SETD1A: variants seen among roughly 807,000 people sequenced by gnomAD.
The protein encoded by SETD1A is SET domain containing 1A, histone lysine methyltransferase.
In SETD1A, 29 loss-of-function variants were observed where a neutral mutation model predicts 149.9. That is an observed-to-expected ratio of 0.19 (90% CI 0.14 to 0.26). The LOEUF (loss-of-function observed/expected upper bound fraction) is 0.26. Ranked by LOEUF, SETD1A falls within the 10% of genes least tolerant of loss-of-function variation. SETD1A has a pLI of 1.00. For missense variants in SETD1A, 2,109 were observed against 2,353.1 expected, an observed-to-expected ratio of 0.90 and a Z score of 2.15; for synonymous variants, 1,141 against 968.5, an observed-to-expected ratio of 1.18 and a Z score of -3.31.
At position 30,984,477 on chromosome 16, in the gene SETD1A, C is replaced by G. The variant is rs901999699; in HGVS notation, c.*454C>G. 1.2e-5 allele frequency: 2 copies of G among 166,494 alleles called. No homozygotes were observed. The highest frequency in any genetic ancestry group is 4.8e-5 in the African/African-American group (2 of 41,666). 10.3% of individuals were successfully genotyped at this position (166,494 alleles called of 1,614,324 possible). On this transcript the variant is annotated 3_prime_UTR_variant, in exon 19 of 19. Transcript: ENST00000262519. ...ACCCCCAGTCCTGGGGACTCCGTGC[C>G]TGGAACCCTGCCTCATCTGTTCCTG...
intron 12 of SETD1A, 46 bp from the exon 13 acceptor site, chr16:30,971,332 A>C: frequency 1.3e-6 from 2 of 1,533,838 alleles, no homozygotes; most frequent in Non-Finnish European, 1.8e-6. Flanking sequence ...CGGCTGGCCA[A>C]GTGAGGTCTG....
chr16:30,974,875 G>A (rs2056265629), intron 13 of SETD1A, among the ~76,000 whole-genome samples: 1 of 152,100 alleles, frequency 6.6e-6, no homozygotes, highest in Non-Finnish European at 1.5e-5. Flanking sequence ...GGGTGCGGTG[G>A]CTCACGCCTG....
At position 30,979,998 on chromosome 16, in the gene SETD1A, G is replaced by GCCCCCC; in HGVS notation, c.4217_4218insCCCCCC (p.Pro1411_Pro1412dup). On this transcript the variant is annotated inframe_insertion, in exon 14 of 19. Transcript: ENST00000262519. ...CCCACGCCCGGCGCCGCCGCCCTCC[G>GCCCCCC]CCCCCACCCCCGCCGCCACCGCCCC... The GCCCCCC allele has an allele frequency of 4.2e-6, 2 of 481,350 alleles. No individual in the cohort carries two copies. The highest frequency in any genetic ancestry group is 6.4e-6 in the Non-Finnish European group (2 of 311,920). 29.8% of individuals were successfully genotyped at this position (481,350 alleles called of 1,614,324 possible).
Position 30,983,508 on chromosome 16 carries a change from G to A in SETD1A, c.4813-127G>A. The A allele has an allele frequency of 3.6e-6, 4 of 1,102,536 alleles. No individual in the cohort carries two copies. In the Middle Eastern group the frequency reaches 1.2e-3, roughly 336 times the overall value. The allele number at this position is 1,102,536 out of a possible 1,614,324, so 68.3% of individuals were successfully genotyped here. On this transcript the variant is annotated intron_variant, in intron 17 of 18. Coordinates refer to ENST00000262519, the MANE Select transcript of SETD1A (RefSeq NM_014712.3). The surrounding 1 kb of genome is among the most constrained non-coding windows in gnomAD (Gnocchi z 6.8). ...AGTCGAGAGAGTCAGTGCCGGGTTA[G>A]CGGGAGCTGGAGGCAGAGCTGCAGC...
chr16:30,968,629 C>T (rs1312972840), intron 10 of SETD1A, among the ~76,000 whole-genome samples: 4 of 151,798 alleles, frequency 2.6e-5, no homozygotes, highest in Admixed American at 6.6e-5. Context: ...GGTGAAACCC[C>T]GTCTCTACTA....
chr16:30,979,209 G>A lies in SETD1A; in HGVS notation c.3423G>A (p.Pro1141=), dbSNP rs201803472. 2.1e-4 allele frequency: 288 copies of A among 1,386,682 alleles called. No homozygotes were observed. The African/African-American group carries it at 3.5e-3, about 17-fold the overall frequency. 85.9% of individuals were successfully genotyped at this position (1,386,682 alleles called of 1,614,324 possible). ...LRPPEPPAGP[P]APAPRPDERP... ...CCCCAGAACCACCTGCTGGGCCCCCGGCCCCTGCCCCACGCCCCGATGAGC... is the reference window on the plus strand; with the variant it reads ...CCCCAGAACCACCTGCTGGGCCCCCAGCCCCTGCCCCACGCCCCGATGAGC... Residue 1141 remains proline (P), a synonymous_variant, in exon 14 of 19, where the codon CCG becomes CCA. Coordinates refer to ENST00000262519, the MANE Select transcript of SETD1A (RefSeq NM_014712.3).
At chr16:30,982,180 G>A (rs1372132790) in intron 17 of SETD1A, among the ~76,000 whole-genome samples, 1 of 152,170 alleles carries the variant, frequency 6.6e-6, no homozygotes, top group Non-Finnish European at 1.5e-5. Flanking sequence ...TCTTGTGAGA[G>A]TGTGGAGGTC....
In SETD1A at chr16:30,979,158, G is replaced by T. The variant is rs1171950938; in HGVS notation, c.3372G>T (p.Glu1124Asp). The T allele has an allele frequency of 8.9e-6, 14 of 1,571,172 alleles. No homozygotes were observed. The East Asian group carries it at 1.2e-4, about 13-fold the overall frequency. ...SPARPAGPTE[E>D]SPPSAPLRPP... is the part of the protein sequence containing the mutation. ...CTTCCTTCCCAGGCCCCACGGAGGA[G>T]TCACCCCCCAGTGCGCCTCTGCGTC... Residue 1124 changes from glutamate to aspartate, a missense_variant, in exon 14 of 19, where the codon GAG becomes GAT. Glu to Asp is a conservative substitution (Grantham distance 45, BLOSUM62 2). Coordinates refer to ENST00000262519, the MANE Select transcript of SETD1A (RefSeq NM_014712.3).
intron 4 of SETD1A, among the ~76,000 whole-genome samples, chr16:30,962,726 C>T (rs989908272): frequency 2.6e-5 from 4 of 152,260 alleles, no homozygotes; most frequent in African/African-American, 9.6e-5. Context: ...GTGGGCAGAT[C>T]ACCTGAGGAC....
chr16:30,981,274 A>T, intron 17 of SETD1A, 94 bp downstream of exon 17: 1 of 1,508,464 alleles, frequency 6.6e-7, no homozygotes, highest in South Asian at 1.2e-5. Flanking sequence ...AAAGCCTTGC[A>T]CACTCCCTAA....
At chr16:30,975,109 C>T (rs993126547) in intron 13 of SETD1A, among the ~76,000 whole-genome samples, 2 of 151,680 alleles carry the variant, frequency 1.3e-5, no homozygotes, top group Non-Finnish European at 2.9e-5. Context: ...GATCGTGCCA[C>T]TGCACTCCAG....
chr16:30,971,267 C>T (rs573838683), intron 12 of SETD1A, 111 bp from the exon 13 acceptor site: 23 of 1,157,920 alleles, frequency 2.0e-5, no homozygotes, highest in East Asian at 4.9e-5. Context: ...TGTTGGACTT[C>T]CCCGTCCCTA....
At chr16:30,964,073 T>C (rs1000116656) in intron 5 of SETD1A, 21 bp from the exon 6 acceptor site, 2 of 1,600,434 alleles carry the variant, frequency 1.2e-6, no homozygotes, top group African/African-American at 1.3e-5. Context: ...CCTCTCTCCT[T>C]GCCCTGCTCT....
At position 30,967,514 on chromosome 16, in the gene SETD1A, A is replaced by G. The variant is rs748159416; in HGVS notation, c.2696A>G (p.Glu899Gly). ...CCCATCCCCCAGGTAAAGCGGAAAG[A>G]GCCATCGGAAATTTCCGAGGCCAGT... The part of the protein sequence containing the change: ...RLPSFKVKRK[E>G]PSEISEASEE... The change falls in exon 10 of 19, where the codon GAG becomes GGG. Residue 899 changes from glutamate (E) to glycine (G), a missense_variant. Glu to Gly is a moderately conservative substitution (Grantham distance 98). Around this residue, in one of 8 missense-constraint regions of SETD1A, gnomAD observed 832 missense variants for 815.6 expected, o/e 1.02. Coordinates refer to ENST00000262519, the MANE Select transcript of SETD1A (RefSeq NM_014712.3). 2 of 1,613,968 alleles carry G rather than the reference A, an allele frequency of 1.2e-6. No individual in the cohort carries two copies. The highest frequency in any genetic ancestry group is 2.2e-5 in the South Asian group (2 of 91,078).
chr16:30,968,404 A>G (rs1162730318), intron 10 of SETD1A, among the ~76,000 whole-genome samples: 1 of 60,816 alleles, frequency 1.6e-5, no homozygotes, highest in African/African-American at 6.9e-5. Flanking sequence ...CTGTGTCTCA[A>G]AAAAAAAAAA....
Position 30,983,166 on chromosome 16 carries a change from G to A in SETD1A, c.4813-469G>A, listed in dbSNP as rs1389266826. 6.6e-6 allele frequency among the ~76,000 whole-genome samples: 1 copy of A among 152,192 alleles called. No individual in the cohort carries two copies. Among genetic ancestry groups the A allele is most frequent in the Non-Finnish European group, 1.5e-5 (1 of 68,024 alleles). On this transcript the variant is annotated intron_variant, in intron 17 of 18. Transcript: ENST00000262519. This position sits in a 1 kb window ranked among gnomAD's most constrained non-coding sequence, Gnocchi z 6.8. ...GGGAAGTAAGGGTTGCTCCTCACAC[G>A]GAGGTGCGGGGCCTGACATGGGCGG...
rs2056047995 is a variant in SETD1A, at chr16:30,961,230, T to C, written c.247-37T>C. 1 of 1,607,116 alleles carries C rather than the reference T, an allele frequency of 6.2e-7. No homozygotes were observed. The highest frequency in any genetic ancestry group is 8.5e-7 in the Non-Finnish European group (1 of 1,174,546). ...CGAAGGACAAAGGAACAGTGGTCAG[T>C]GTTGAGACCCCATACCAACTCCTGT... On this transcript the variant is annotated intron_variant, in intron 3 of 18. Transcript: ENST00000262519. This position sits in a 1 kb window ranked among gnomAD's most constrained non-coding sequence, Gnocchi z 4.0.
At position 30,980,041 on chromosome 16, in the gene SETD1A, A is replaced by G. The variant is rs755052042; in HGVS notation, c.4255A>G (p.Ser1419Gly). The G allele has an allele frequency of 3.7e-6, 5 of 1,352,888 alleles. No individual in the cohort carries two copies. Among genetic ancestry groups the G allele is most frequent in the Admixed American group, 4.1e-5 (2 of 48,436 alleles). 83.8% of individuals were successfully genotyped at this position (1,352,888 alleles called of 1,614,324 possible). A position where few individuals can be genotyped will look rare whatever the true frequency, so the allele number is the denominator to read the frequency against. Residue 1419 changes from serine (S) to glycine (G), a missense_variant, in exon 14 of 19, where the codon AGT becomes GGT. Transcript: ENST00000262519. This position sits in a 1 kb window ranked among gnomAD's most constrained non-coding sequence, Gnocchi z 7.7. ...ACCGCCCCGCGCCTACGAGCCACGC[A>G]GTGAGTTTGAACAGATGACCATCCT... ...PPPPRAYEPRSEFEQMTILYD... is the reference protein window; with the variant it reads ...PPPPRAYEPRGEFEQMTILYD...
In SETD1A at chr16:30,964,868, T is replaced by C; in HGVS notation, c.1126T>C (p.Tyr376His). 1 of 1,614,188 alleles carries C rather than the reference T, an allele frequency of 6.2e-7. No homozygotes were observed. The highest frequency in any genetic ancestry group is 8.5e-7 in the Non-Finnish European group (1 of 1,180,034). ...AGCGTATTATGAAAGCTGGAATCGC[T>C]ACCAGCGCCATACTTCCTACCCACC... Reference protein sequence around the residue: ...YPAYYESWNRYQRHTSYPPRR... With the variant: ...YPAYYESWNRHQRHTSYPPRR... The change falls in exon 7 of 19, where the codon TAC (tyrosine) becomes CAC (histidine). Residue 376 changes from tyrosine to histidine, a missense_variant. By Grantham distance (83) the Tyr-to-His change is moderately conservative (BLOSUM62 2). Around this residue, in one of 8 missense-constraint regions of SETD1A, gnomAD observed 410 missense variants for 394.8 expected, o/e 1.04. Coordinates refer to ENST00000262519, the MANE Select transcript of SETD1A (RefSeq NM_014712.3).
Sources: gnomAD v4.1 joint callset for allele counts (sites outside exome capture counted in the v4.1 genomes callset) on GRCh38, gnomAD v4.1.1 for gene constraint, gnomAD v4.1.1 regional missense constraint, Gnocchi (gnomAD v3.1) non-coding constraint, MANE v1.5 for transcripts, NCBI Gene and HGNC (gene_info 2026-07-23, HGNC 2026-07-21) for gene names.